The following ST6GALNAC3 variants were observed in gnomAD, a reference collection of about 807,000 sequenced individuals.
ST6GALNAC3 encodes the protein alpha-N-acetylgalactosaminide alpha-2,6-sialyltransferase 3.
ST6GALNAC3 carries 25 observed loss-of-function variants against 32.7 expected under a neutral mutation model. That is an observed-to-expected ratio of 0.76 (90% confidence interval 0.56 to 1.07). The LOEUF is 1.07. ST6GALNAC3 is among the 50% of genes least tolerant of loss of function. ST6GALNAC3 has a pLI of 0.00. For missense variants in ST6GALNAC3, 355 were observed against 382.4 expected (o/e 0.93, Z 0.60); for synonymous variants, 129 against 133.1 (o/e 0.97, Z 0.21).
intron 3 of ST6GALNAC3, among the ~76,000 whole-genome samples, chr1:76,622,241 C>T (rs1648694095): frequency 6.6e-6 from 1 of 151,950 alleles, no homozygotes. Flanking sequence ...TTGTCCTTGT[C>T]CCACCTGATA....
At chr1:76,596,013 C>T (rs1407997657) in intron 3 of ST6GALNAC3, among the ~76,000 whole-genome samples, 1 of 152,098 alleles carries the variant, frequency 6.6e-6, no homozygotes, top group African/African-American at 2.4e-5. Context: ...GTGCAGTCCC[C>T]TCATCCCATC....
At chr1:76,251,876 C>A (rs1011510650) in intron 1 of ST6GALNAC3, among the ~76,000 whole-genome samples, 1 of 152,088 alleles carries the variant, frequency 6.6e-6, no homozygotes, top group Non-Finnish European at 1.5e-5. Context: ...TTGCTTAGTG[C>A]CTCACTCAGA....
chr1:76,411,180 G>A (rs548714984), intron 2 of ST6GALNAC3, among the ~76,000 whole-genome samples: 5 of 152,236 alleles, frequency 3.3e-5, no homozygotes, highest in South Asian at 2.1e-4. Flanking sequence ...AAGGAATAAC[G>A]GAAAGGGCAG....
At chr1:76,391,613 T>TTCCCC (rs1229662061) in intron 2 of ST6GALNAC3, among the ~76,000 whole-genome samples, 1 of 149,806 alleles carries the variant, frequency 6.7e-6, no homozygotes, top group African/African-American at 2.4e-5. Flanking sequence ...TTCCCTTCCC[T>TTCCCC]TCCTTTTCTT....
At chr1:76,455,965 C>G (rs1657753047) in intron 3 of ST6GALNAC3, among the ~76,000 whole-genome samples, 1 of 152,116 alleles carries the variant, frequency 6.6e-6, no homozygotes, top group Non-Finnish European at 1.5e-5. Flanking sequence ...GCAGGCAGAT[C>G]ACTTGAGGTC....
At chr1:76,266,766 C>A (rs1224580296) in intron 1 of ST6GALNAC3, among the ~76,000 whole-genome samples, 1 of 152,170 alleles carries the variant, frequency 6.6e-6, no homozygotes, top group Admixed American at 6.5e-5. Context: ...TTTGGTCCCT[C>A]TTGGGGCAGA....
intron 3 of ST6GALNAC3, among the ~76,000 whole-genome samples, chr1:76,521,250 T>C: frequency 6.6e-6 from 1 of 151,812 alleles, no homozygotes; most frequent in Non-Finnish European, 1.5e-5. Flanking sequence ...TCCCCAAACA[T>C]AAACATTGTT....
At chr1:76,385,159 G>A (rs1651997509) in intron 2 of ST6GALNAC3, among the ~76,000 whole-genome samples, 1 of 152,056 alleles carries the variant, frequency 6.6e-6, no homozygotes, top group South Asian at 2.1e-4. Context: ...GATAAAAAAT[G>A]CAGAAGCATT....
intron 1 of ST6GALNAC3, among the ~76,000 whole-genome samples, chr1:76,206,246 C>T (rs1396301090): frequency 6.6e-6 from 1 of 152,040 alleles, no homozygotes; most frequent in East Asian, 1.9e-4. Context: ...CTAATTATAC[C>T]TCTTTTGTTG....
intron 1 of ST6GALNAC3, among the ~76,000 whole-genome samples, chr1:76,255,513 T>C (rs1657870627): frequency 6.6e-6 from 1 of 152,150 alleles, no homozygotes; most frequent in African/African-American, 2.4e-5. Context: ...TTGCAGAGGT[T>C]GCAGATGGCC....
At chr1:76,597,590 A>G (rs560678240) in intron 3 of ST6GALNAC3, among the ~76,000 whole-genome samples, 18 of 152,218 alleles carry the variant, frequency 1.2e-4, no homozygotes, top group Non-Finnish European at 2.5e-4. Context: ...CCAGTATTTA[A>G]TCATTGAGTG....
At chr1:76,482,809 C>T (rs1315479760) in intron 3 of ST6GALNAC3, among the ~76,000 whole-genome samples, 2 of 151,972 alleles carry the variant, frequency 1.3e-5, no homozygotes, top group Non-Finnish European at 2.9e-5. Flanking sequence ...ATGTGCCATG[C>T]TGGTGTGCTG....
At chr1:76,425,339 A>G (rs1655297999) in intron 3 of ST6GALNAC3, among the ~76,000 whole-genome samples, 1 of 152,012 alleles carries the variant, frequency 6.6e-6, no homozygotes, top group Non-Finnish European at 1.5e-5. Flanking sequence ...TGTGTTTCTC[A>G]TAAAAGAGAA....
chr1:76,092,536 G>A (rs977994506), intron 1 of ST6GALNAC3, among the ~76,000 whole-genome samples: 30 of 152,264 alleles, frequency 2.0e-4, no homozygotes, highest in African/African-American at 6.3e-4. Context: ...CAAAATGGGT[G>A]CTATTATTGT....
intron 3 of ST6GALNAC3, among the ~76,000 whole-genome samples, chr1:76,445,077 C>G (rs1656877012): frequency 6.6e-6 from 1 of 152,130 alleles, no homozygotes; most frequent in Admixed American, 6.5e-5. Context: ...ACTGGTAAAT[C>G]AAGAATTTCC....
chr1:76,339,372 A>G (rs1557801608), intron 2 of ST6GALNAC3, among the ~76,000 whole-genome samples: 1 of 152,176 alleles, frequency 6.6e-6, no homozygotes, highest in Non-Finnish European at 1.5e-5. Flanking sequence ...GCCATGAGCC[A>G]GGCATGTGGG....
intron 3 of ST6GALNAC3, among the ~76,000 whole-genome samples, chr1:76,598,311 G>C (rs1287947288): frequency 6.6e-6 from 1 of 152,122 alleles, no homozygotes; most frequent in East Asian, 1.9e-4. Flanking sequence ...TTGCAACCAA[G>C]ATGGTGAATT....
At chr1:76,285,815 T>C (rs2100800893) in intron 1 of ST6GALNAC3, among the ~76,000 whole-genome samples, 1 of 151,896 alleles carries the variant, frequency 6.6e-6, no homozygotes, top group Non-Finnish European at 1.5e-5. Context: ...GGAAGATACA[T>C]GCAGAGTGAG....
In ST6GALNAC3 at chr1:76,490,919, C is replaced by T. The variant is rs184993635; in HGVS notation, c.623+78502C>T. ...TGTTGCCCAGGCTGGAGTGCAATGG[C>T]GTGATCTCAGCTCACCACAACATCC... On this transcript the variant is annotated intron_variant, in intron 3 of 4. Transcript: ENST00000328299. Among the ~76,000 whole-genome samples the T allele has an allele frequency of 5.3e-5, 8 of 151,252 alleles. No homozygotes were observed. The East Asian group carries it at 7.8e-4, about 15-fold the overall frequency.
Sources: gnomAD v4.1 joint callset for allele counts (sites outside exome capture counted in the v4.1 genomes callset) on GRCh38, gnomAD v4.1.1 for gene constraint, MANE v1.5 for transcripts, NCBI Gene and HGNC (gene_info 2026-07-23, HGNC 2026-07-21) for gene names.